The following NTN4 variants were observed in gnomAD, a reference collection of about 807,000 sequenced individuals.
NTN4 encodes netrin-4.
NTN4 carries 32 observed loss-of-function variants against 73.6 expected under a neutral mutation model. The observed-to-expected ratio is 0.44, with a 90% CI of 0.33 to 0.58. The LOEUF is 0.58. Ranked by LOEUF, NTN4 falls within the 20% of genes least tolerant of loss-of-function variation. NTN4 has a pLI of 0.04. For missense variants in NTN4, 654 were observed against 798.3 expected (o/e 0.82, Z 2.18); for synonymous variants, 258 against 287.5 (o/e 0.90, Z 1.04).
intron 2 of NTN4, among the ~76,000 whole-genome samples, chr12:95,744,833 CTTTTTTT>C (rs59086846): frequency 3.4e-5 from 4 of 118,260 alleles, no homozygotes; most frequent in African/African-American, 1.3e-4. Flanking sequence ...TGGTGAAAAA[CTTTTTTT>C]TTTTTTTTTT....
chr12:95,758,896 C>G (rs1334428520), intron 2 of NTN4, among the ~76,000 whole-genome samples: 1 of 152,166 alleles, frequency 6.6e-6, no homozygotes, highest in Non-Finnish European at 1.5e-5. Flanking sequence ...CAGTATTTCT[C>G]TTTTACAGTT....
At chr12:95,659,831 C>T (rs1008579770) in intron 9 of NTN4, among the ~76,000 whole-genome samples, 1 of 152,106 alleles carries the variant, frequency 6.6e-6, no homozygotes, top group African/African-American at 2.4e-5. Context: ...GTAAGTATAG[C>T]AGCATCTGGA....
chr12:95,680,396 T>C (rs1281268471), intron 7 of NTN4, among the ~76,000 whole-genome samples: 1 of 152,204 alleles, frequency 6.6e-6, no homozygotes. Context: ...AGTGTAAGCA[T>C]TTAAAACTGT....
At chr12:95,711,980 A>ATTTTTT (rs1251500591) in intron 4 of NTN4, among the ~76,000 whole-genome samples, 5 of 152,234 alleles carry the variant, frequency 3.3e-5, no homozygotes, top group African/African-American at 1.2e-4. Context: ...ATTACAAGAT[A>ATTTTTT]ATTTAAGATG....
chr12:95,750,069 G>T (rs1484210787), intron 2 of NTN4, among the ~76,000 whole-genome samples: 1 of 152,010 alleles, frequency 6.6e-6, no homozygotes, highest in Admixed American at 6.6e-5. Flanking sequence ...TAGAGGAGGG[G>T]CAAGTACCCC....
chr12:95,740,468 T>C (rs1317239817), intron 2 of NTN4, among the ~76,000 whole-genome samples: 2 of 152,198 alleles, frequency 1.3e-5, no homozygotes, highest in Non-Finnish European at 2.9e-5. Flanking sequence ...CAACAAGATA[T>C]ATTAATATTT....
chr12:95,659,021 C>A lies in NTN4; in HGVS notation c.*65G>T. On this transcript the variant is annotated 3_prime_UTR_variant, in exon 10 of 10. Coordinates refer to ENST00000343702, the MANE Select transcript of NTN4 (RefSeq NM_021229.4). Reference sequence around the variant, plus strand: ...AAAATTCCAGTTTCCTGTCTGAGGTCTTCTTGCTCTAAAGTTTGTGTTTTG... The same window carrying A: ...AAAATTCCAGTTTCCTGTCTGAGGTATTCTTGCTCTAAAGTTTGTGTTTTG... The A allele has an allele frequency of 1.3e-6, 2 of 1,485,214 alleles. No individual in the cohort carries two copies. The highest frequency in any genetic ancestry group is 4.6e-5 in the East Asian group (2 of 43,112). 92.0% of individuals were successfully genotyped at this position (1,485,214 alleles called of 1,614,324 possible). A position where few individuals can be genotyped will look rare whatever the true frequency, so the allele number is the denominator to read the frequency against.
chr12:95,716,596 T>C (rs898021339), intron 3 of NTN4, among the ~76,000 whole-genome samples: 8 of 152,180 alleles, frequency 5.3e-5, no homozygotes, highest in African/African-American at 1.7e-4. Flanking sequence ...TTGCCTGTTA[T>C]GTTCTTTCTT....
chr12:95,767,412 G>A (rs2079027690), intron 2 of NTN4, among the ~76,000 whole-genome samples: 1 of 152,130 alleles, frequency 6.6e-6, no homozygotes, highest in Admixed American at 6.5e-5. Context: ...GTTTTGGCAA[G>A]GAAAATAATA....
chr12:95,727,526 C>G (rs1429828234), intron 3 of NTN4, among the ~76,000 whole-genome samples: 1 of 152,102 alleles, frequency 6.6e-6, no homozygotes, highest in East Asian at 1.9e-4. Flanking sequence ...AAGATCTACA[C>G]CTATGTTTCT....
chr12:95,752,342 G>C (rs541520286), intron 2 of NTN4, among the ~76,000 whole-genome samples: 2 of 149,760 alleles, frequency 1.3e-5, no homozygotes, highest in East Asian at 3.9e-4. Flanking sequence ...TCCACCCCGT[G>C]GTGCCAAACC....
chr12:95,745,283 A>G (rs1006088378), intron 2 of NTN4, among the ~76,000 whole-genome samples: 2 of 152,250 alleles, frequency 1.3e-5, no homozygotes, highest in Admixed American at 1.3e-4. Context: ...TTCCAACTAC[A>G]TGTACCAAAT....
chr12:95,740,410 G>A (rs1264065843), intron 2 of NTN4, among the ~76,000 whole-genome samples: 1 of 152,104 alleles, frequency 6.6e-6, no homozygotes, highest in Non-Finnish European at 1.5e-5. Context: ...TGTATCTATA[G>A]GCCCATCACT....
chr12:95,706,400 G>A (rs1199707062), intron 5 of NTN4, among the ~76,000 whole-genome samples: 1 of 152,086 alleles, frequency 6.6e-6, no homozygotes, highest in Non-Finnish European at 1.5e-5. Flanking sequence ...CACTATAAAA[G>A]GGCTTCATCT....
chr12:95,724,662 A>G (rs2078678099), intron 3 of NTN4, among the ~76,000 whole-genome samples: 1 of 152,198 alleles, frequency 6.6e-6, no homozygotes, highest in African/African-American at 2.4e-5. Context: ...CAAAAATACT[A>G]GATTTTTGCT....
intron 5 of NTN4, among the ~76,000 whole-genome samples, chr12:95,704,918 T>C (rs1394207254): frequency 6.6e-6 from 1 of 152,212 alleles, no homozygotes; most frequent in African/African-American, 2.4e-5. Flanking sequence ...CTACCTCCTA[T>C]ACATTATGCT....
At chr12:95,774,463 G>A (rs2079078400) in intron 2 of NTN4, among the ~76,000 whole-genome samples, 1 of 152,160 alleles carries the variant, frequency 6.6e-6, no homozygotes, top group Admixed American at 6.5e-5. Context: ...ATCATGACTT[G>A]TAACTACTGC....
chr12:95,726,045 A>G (rs892345140), intron 3 of NTN4, among the ~76,000 whole-genome samples: 1 of 151,174 alleles, frequency 6.6e-6, no homozygotes, highest in Non-Finnish European at 1.5e-5. Flanking sequence ...TGTATAACCC[A>G]CCATGTTTGT....
intron 2 of NTN4, among the ~76,000 whole-genome samples, chr12:95,776,695 T>C (rs2079095271): frequency 6.6e-6 from 1 of 152,190 alleles, no homozygotes; most frequent in Non-Finnish European, 1.5e-5. Flanking sequence ...TTGGTGTGCC[T>C]GAAAGTGATG....
Sources: gnomAD v4.1 joint callset for allele counts (sites outside exome capture counted in the v4.1 genomes callset) on GRCh38, gnomAD v4.1.1 for gene constraint, MANE v1.5 for transcripts, NCBI Gene and HGNC (gene_info 2026-07-23, HGNC 2026-07-21) for gene names.